DLGAP2: variants seen among roughly 807,000 people sequenced by gnomAD.
DLGAP2 encodes the protein DLG associated protein 2.
Under a neutral mutation model 100.3 loss-of-function variants are expected in DLGAP2, and 26 were observed. That is an observed-to-expected ratio of 0.26 (90% CI 0.19 to 0.36). The LOEUF is 0.36. Ranked by LOEUF, DLGAP2 falls within the 10% of genes least tolerant of loss-of-function variation. The pLI, the probability that DLGAP2 is intolerant of heterozygous loss-of-function variation, is 1.00. For missense variants in DLGAP2, 1,858 were observed against 1,453.2 expected, an observed-to-expected ratio of 1.28 and a Z score of -4.53; for synonymous variants, 886 against 630.1, an observed-to-expected ratio of 1.41 and a Z score of -6.08.
intron 2 of DLGAP2, among the ~76,000 whole-genome samples, chr8:1,113,742 G>C (rs1376752821): frequency 6.6e-6 from 1 of 152,096 alleles, no homozygotes; most frequent in African/African-American, 2.4e-5. Flanking sequence ...TGTTGAATGG[G>C]ACTAGTGAGA....
intron 8 of DLGAP2, among the ~76,000 whole-genome samples, chr8:1,653,141 G>A (rs762894580): frequency 6.6e-6 from 1 of 152,230 alleles, no homozygotes; most frequent in Non-Finnish European, 1.5e-5. Context: ...TGGAGATACT[G>A]TGGCATCGCG....
chr8:968,589 C>G (rs896998225), intron 2 of DLGAP2, among the ~76,000 whole-genome samples: 1 of 152,214 alleles, frequency 6.6e-6, no homozygotes, highest in Non-Finnish European at 1.5e-5. Flanking sequence ...AGCCCCAAGC[C>G]AGCGCCATGA....
At chr8:1,234,402 G>T (rs149176319) in intron 2 of DLGAP2, among the ~76,000 whole-genome samples, 1 of 152,132 alleles carries the variant, frequency 6.6e-6, no homozygotes, top group African/African-American at 2.4e-5. Context: ...GCATCACCCC[G>T]ATCCTCACAT....
chr8:1,660,466 A>G (rs1020988378), intron 8 of DLGAP2, among the ~76,000 whole-genome samples: 27 of 152,226 alleles, frequency 1.8e-4, no homozygotes, highest in African/African-American at 6.3e-4. Flanking sequence ...TATTTAAAAT[A>G]TATTTTAAGT....
chr8:1,194,059 G>C (rs191314872), intron 2 of DLGAP2, among the ~76,000 whole-genome samples: 2 of 152,254 alleles, frequency 1.3e-5, no homozygotes, highest in African/African-American at 4.8e-5. Context: ...TCAAGTCAAC[G>C]TGACAGGTGT....
chr8:1,277,264 C>G (rs1002088026), intron 3 of DLGAP2, among the ~76,000 whole-genome samples: 1 of 152,122 alleles, frequency 6.6e-6, no homozygotes, highest in African/African-American at 2.4e-5. Context: ...AAGTGGCAGA[C>G]GTATATCTGT....
chr8:1,272,817 C>T (rs543824033), intron 3 of DLGAP2, among the ~76,000 whole-genome samples: 16 of 152,238 alleles, frequency 1.1e-4, no homozygotes, highest in Admixed American at 5.9e-4. Flanking sequence ...CATGAGCTGC[C>T]GGCCTGCAAG....
chr8:1,636,976 A>C (rs775019347), intron 8 of DLGAP2, among the ~76,000 whole-genome samples: 32 of 152,360 alleles, frequency 2.1e-4, no homozygotes, highest in Middle Eastern at 3.4e-3. Flanking sequence ...CCACTTGGTA[A>C]ACCCGGCCGA....
chr8:1,343,269 G>A (rs1442934032), intron 3 of DLGAP2, among the ~76,000 whole-genome samples: 2 of 152,218 alleles, frequency 1.3e-5, no homozygotes, highest in Admixed American at 6.5e-5. Context: ...GCTCAGGACA[G>A]ACCAGGCCTG....
intron 2 of DLGAP2, among the ~76,000 whole-genome samples, chr8:1,103,482 G>T (rs1273685276): frequency 7.1e-6 from 1 of 140,636 alleles, no homozygotes; most frequent in Admixed American, 6.9e-5. Flanking sequence ...ATGACTGGCG[G>T]GGCCTTGGTT....
Position 1,678,621 on chromosome 8 carries a change from C to A in DLGAP2, c.2696C>A (p.Ser899Ter). 1 of 1,540,856 alleles carries A rather than the reference C, an allele frequency of 6.5e-7. No homozygotes were observed. Among genetic ancestry groups the A allele is most frequent in the South Asian group, 1.2e-5 (1 of 81,966 alleles). Residue 899 changes from serine to a stop codon, truncating the protein, a stop_gained, in exon 12 of 15, where the codon TCG becomes TAG. Coordinates refer to ENST00000637795, the MANE Select transcript of DLGAP2 (RefSeq NM_001346810.2). LOFTEE classifies it high-confidence loss of function. ...MEREAEENDLSEEILGKIRSA... is the reference protein window; with the variant it reads ...MEREAEENDL ...AGAGAGGCGGAGGAGAACGACCTCTCGGAGGAAAGTAAGAGCTCAGGCTTC... is the reference window on the plus strand; with the variant it reads ...AGAGAGGCGGAGGAGAACGACCTCTAGGAGGAAAGTAAGAGCTCAGGCTTC...
At chr8:1,555,655 C>T (rs1484431597) in intron 5 of DLGAP2, among the ~76,000 whole-genome samples, 1 of 152,234 alleles carries the variant, frequency 6.6e-6, no homozygotes, top group East Asian at 1.9e-4. Flanking sequence ...ACTCCTCCAT[C>T]ACCCCCCAGT....
intron 3 of DLGAP2, among the ~76,000 whole-genome samples, chr8:1,465,349 A>C (rs928825253): frequency 6.6e-6 from 1 of 151,050 alleles, no homozygotes; most frequent in African/African-American, 2.4e-5. Context: ...AGAGATGAGC[A>C]GAGGGAAGGG....
intron 1 of DLGAP2, among the ~76,000 whole-genome samples, chr8:875,619 TTTC>T (rs1251782220): frequency 2.6e-5 from 4 of 152,232 alleles, no homozygotes; most frequent in African/African-American, 9.6e-5. Flanking sequence ...TTAAACCTCT[TTTC>T]TTTATAAATT....
intron 4 of DLGAP2, among the ~76,000 whole-genome samples, chr8:1,523,833 G>T (rs1010701746): frequency 3.3e-5 from 5 of 152,196 alleles, no homozygotes; most frequent in African/African-American, 1.2e-4. Context: ...GCATTTAAAA[G>T]AAATCCAGTG....
At chr8:1,338,740 C>T (rs192620782) in intron 3 of DLGAP2, among the ~76,000 whole-genome samples, 16 of 152,186 alleles carry the variant, frequency 1.1e-4, no homozygotes, top group African/African-American at 4.8e-5. Context: ...GCCCAGGACA[C>T]GTTGCAGGAT....
At chr8:1,297,758 G>A (rs1800221226) in intron 3 of DLGAP2, among the ~76,000 whole-genome samples, 1 of 113,354 alleles carries the variant, frequency 8.8e-6, no homozygotes, top group Non-Finnish European at 1.8e-5. Context: ...AGACGGAGGA[G>A]AAACGTGGCA....
chr8:1,279,585 T>C (rs910808718), intron 3 of DLGAP2, among the ~76,000 whole-genome samples: 1 of 152,220 alleles, frequency 6.6e-6, no homozygotes, highest in Non-Finnish European at 1.5e-5. Flanking sequence ...ACATGTGTCA[T>C]CTCAGTGTCT....
At chr8:985,425 T>C (rs73673044) in intron 2 of DLGAP2, among the ~76,000 whole-genome samples, 3,115 of 152,346 alleles carry the variant, frequency 0.02, 110 homozygotes, top group African/African-American at 0.069. Context: ...AACCACCTCA[T>C]GGTGTTGTCA....
Sources: gnomAD v4.1 joint callset for allele counts (sites outside exome capture counted in the v4.1 genomes callset) on GRCh38, gnomAD v4.1.1 for gene constraint, MANE v1.5 for transcripts, NCBI Gene and HGNC (gene_info 2026-07-23, HGNC 2026-07-21) for gene names.